Variants in PABPC1 observed in about 807,000 individuals in gnomAD.
PABPC1 encodes poly(A) binding protein cytoplasmic 1.
In PABPC1, 4 loss-of-function variants were observed where a neutral mutation model predicts 74.0. The observed-to-expected ratio is 0.05, with a 90% CI of 0.03 to 0.12. The LOEUF (loss-of-function observed/expected upper bound fraction) is 0.12, where lower values mean the gene tolerates loss of function less well. PABPC1 is among the 10% of genes least tolerant of loss of function. The pLI is 1.00. For missense variants in PABPC1, 271 were observed against 821.1 expected (o/e 0.33, Z 8.19); for synonymous variants, 227 against 264.1 (o/e 0.86, Z 1.36).
intron 1 of PABPC1, among the ~76,000 whole-genome samples, chr8:100,718,846 G>A (rs1810740009): frequency 6.6e-6 from 1 of 152,066 alleles, no homozygotes; most frequent in African/African-American, 2.4e-5. Flanking sequence ...GTGATTCATG[G>A]CACAACTTCC....
chr8:100,706,275 T>C (rs555621686), intron 11 of PABPC1, among the ~76,000 whole-genome samples: 2 of 152,244 alleles, frequency 1.3e-5, no homozygotes, highest in Non-Finnish European at 2.9e-5. Context: ...ATGTTCCAGA[T>C]AGGCTAAGCT....
At chr8:100,714,600 G>A (rs534199987) in intron 4 of PABPC1, among the ~76,000 whole-genome samples, 11 of 152,038 alleles carry the variant, frequency 7.2e-5, no homozygotes, top group African/African-American at 9.7e-5. Context: ...GCATGGTGGC[G>A]CACACCTGTA....
intron 4 of PABPC1, among the ~76,000 whole-genome samples, chr8:100,714,651 C>G (rs1810618723): frequency 6.6e-6 from 1 of 152,162 alleles, no homozygotes; most frequent in Non-Finnish European, 1.5e-5. Flanking sequence ...ACTGCTTGAA[C>G]CCGGGAGGCG....
intron 3 of PABPC1, among the ~76,000 whole-genome samples, 195 bp from the exon 4 acceptor site, chr8:100,715,796 T>C (rs950402844): frequency 6.6e-6 from 1 of 151,120 alleles, no homozygotes; most frequent in Non-Finnish European, 1.5e-5. Context: ...CTAACTACAA[T>C]CACAAAAAAA....
intron 13 of PABPC1, 89 bp from the exon 14 acceptor site, chr8:100,704,479 AT>A (rs1309189387): frequency 4.6e-6 from 5 of 1,091,464 alleles, no homozygotes; most frequent in Non-Finnish European, 5.6e-6. Context: ...CCCAACAAAG[AT>A]AAGTTTCTTC....
chr8:100,719,456 G>C (rs368135131), intron 1 of PABPC1, among the ~76,000 whole-genome samples: 2 of 149,016 alleles, frequency 1.3e-5, no homozygotes, highest in African/African-American at 2.5e-5. Flanking sequence ...CTATGAAATT[G>C]AAAACTGGTC....
rs1314784702 is a variant in PABPC1 at position 100,705,099 on chromosome 8, G to GT, written c.1688-44dup. 13 of 1,565,540 alleles carry GT rather than the reference G, an allele frequency of 8.3e-6. No individual in the cohort carries two copies. In the Admixed American group the frequency reaches 1.5e-4, roughly 18 times the overall value. On this transcript the variant is annotated intron_variant, in intron 12 of 14. Coordinates refer to ENST00000318607, the MANE Select transcript of PABPC1 (RefSeq NM_002568.4). ...CAAAAACTCCCTTCAATAAAAAAAAGTTTTTAACTGCATTGAATTACCACA... is the reference window on the plus strand; with the variant it reads ...CAAAAACTCCCTTCAATAAAAAAAAGTTTTTTAACTGCATTGAATTACCACA...
At chr8:100,708,908 A>AAATAAATAAATAAATAAAT (rs1563610918) in intron 9 of PABPC1, among the ~76,000 whole-genome samples, 34 of 132,712 alleles carry the variant, frequency 2.6e-4, no homozygotes, top group African/African-American at 9.4e-4. Flanking sequence ...AATAAATAAA[A>AAATAAATAAATAAATAAAT]AATGAAGAGC....
intron 7 of PABPC1, among the ~76,000 whole-genome samples, chr8:100,711,166 G>A (rs1810518011): frequency 6.6e-6 from 1 of 152,122 alleles, no homozygotes; most frequent in South Asian, 2.1e-4. Context: ...TGTAATCCCA[G>A]CTACCCAGGA....
chr8:100,705,160 C>A lies in PABPC1; in HGVS notation c.1688-104G>T. ...GTTTAAGAACCATACTTCTGTCTCA[C>A]GTATATAATAACCCATAATCCACAA... On this transcript the variant is annotated intron_variant, in intron 12 of 14. Coordinates refer to ENST00000318607, the MANE Select transcript of PABPC1 (RefSeq NM_002568.4). 5.7e-6 allele frequency: 5 copies of A among 873,390 alleles called. No homozygotes were observed. The South Asian group carries it at 8.4e-5, about 15-fold the overall frequency. 54.1% of individuals were successfully genotyped at this position (873,390 alleles called of 1,614,324 possible). A position where few individuals can be genotyped will look rare whatever the true frequency, so the allele number is the denominator to read the frequency against.
chr8:100,717,262 C>T (rs910273840), intron 3 of PABPC1, among the ~76,000 whole-genome samples: 1 of 152,216 alleles, frequency 6.6e-6, no homozygotes, highest in African/African-American at 2.4e-5. Flanking sequence ...CCCACCTCGG[C>T]CTCCCAAAGT....
intron 1 of PABPC1, among the ~76,000 whole-genome samples, chr8:100,720,814 GACC>G (rs950504372): frequency 6.6e-6 from 1 of 152,126 alleles, no homozygotes; most frequent in Admixed American, 6.5e-5. Context: ...CAAGCCTGAG[GACC>G]ACCACCACAC....
At chr8:100,713,222 A>G (rs761733305) in intron 4 of PABPC1, 41 bp from the exon 5 acceptor site, 1 of 1,192,426 alleles carries the variant, frequency 8.4e-7, no homozygotes, top group Non-Finnish European at 1.2e-6. Context: ...ATTCCATACA[A>G]CATTCACGTT....
chr8:100,715,991 T>G (rs1032384545), intron 3 of PABPC1, among the ~76,000 whole-genome samples: 1 of 152,220 alleles, frequency 6.6e-6, no homozygotes, highest in Non-Finnish European at 1.5e-5. Flanking sequence ...TCTCCTAGAA[T>G]AAAAATTTAA....
intron 1 of PABPC1, among the ~76,000 whole-genome samples, chr8:100,718,720 C>T (rs1810736120): frequency 6.6e-6 from 1 of 152,026 alleles, no homozygotes. Flanking sequence ...AACTTCTTCC[C>T]AACTACTTGC....
intron 4 of PABPC1, among the ~76,000 whole-genome samples, chr8:100,713,832 G>A (rs1810593977): frequency 6.7e-6 from 1 of 149,316 alleles, no homozygotes; most frequent in Non-Finnish European, 1.5e-5. Context: ...TATTTATTAA[G>A]CCTTGGCCTA....
intron 11 of PABPC1, 111 bp from the exon 12 acceptor site, chr8:100,705,784 TGGA>T (rs1445353785): frequency 2.7e-6 from 2 of 729,390 alleles, no homozygotes; most frequent in South Asian, 1.6e-5. Flanking sequence ...AAACATGAGG[TGGA>T]GAAGTTGAGT....
chr8:100,707,577 C>T (rs1246574317), intron 9 of PABPC1, among the ~76,000 whole-genome samples: 1 of 152,194 alleles, frequency 6.6e-6, no homozygotes, highest in African/African-American at 2.4e-5. Flanking sequence ...AGTACTTTCA[C>T]TAATTTACTA....
At chr8:100,705,819 A>G (rs1810364249) in intron 11 of PABPC1, 146 bp from the exon 12 acceptor site, 1 of 648,924 alleles carries the variant, frequency 1.5e-6, no homozygotes, top group Non-Finnish European at 2.8e-6. Context: ...AAAGAAGCCA[A>G]AGTAGTTATT....
Sources: gnomAD v4.1 joint callset for allele counts (sites outside exome capture counted in the v4.1 genomes callset) on GRCh38, gnomAD v4.1.1 for gene constraint, MANE v1.5 for transcripts, NCBI Gene and HGNC (gene_info 2026-07-23, HGNC 2026-07-21) for gene names.